KIFAP3: variants seen among roughly 807,000 people sequenced by gnomAD.
KIFAP3 encodes the protein kinesin-associated protein 3.
In KIFAP3, 68 loss-of-function variants were observed where a neutral mutation model predicts 106.5. That is an observed-to-expected ratio of 0.64 (90% CI 0.53 to 0.78). The LOEUF is 0.78. Ranked by LOEUF, KIFAP3 falls within the 30% of genes least tolerant of loss-of-function variation. The pLI, the probability that KIFAP3 is intolerant of heterozygous loss-of-function variation, is 0.00. For missense variants in KIFAP3, 780 were observed against 941.8 expected (o/e 0.83, Z 2.25); for synonymous variants, 320 against 311.5 (o/e 1.03, Z -0.29).
At chr1:169,932,861 A>G (rs767169801) in intron 19 of KIFAP3, among the ~76,000 whole-genome samples, 7 of 152,002 alleles carry the variant, frequency 4.6e-5, no homozygotes, top group Non-Finnish European at 8.8e-5. Context: ...ATCTTATCAA[A>G]TGTAAGATGC....
chr1:169,925,711 T>C (rs559664601), intron 19 of KIFAP3, among the ~76,000 whole-genome samples: 1 of 152,194 alleles, frequency 6.6e-6, no homozygotes, highest in South Asian at 2.1e-4. Flanking sequence ...GTAAAGAATC[T>C]CAGGCACTCA....
chr1:169,992,154 C>A lies in KIFAP3; in HGVS notation c.1284+1G>T. On this transcript the variant is annotated splice_donor_variant, in intron 11 of 19. Transcript: ENST00000361580. LOFTEE classifies it high-confidence loss of function. ...TTTCATAAAACACTTAAACCACTTA[C>A]CTGTGGTATACAGTCAGTGTATGCA... The A allele has an allele frequency of 1.4e-6, 2 of 1,429,614 alleles. No individual in the cohort carries two copies. The highest frequency in any genetic ancestry group is 9.4e-7 in the Non-Finnish European group (1 of 1,066,002). The allele number at this position is 1,429,614 out of a possible 1,614,324, so 88.6% of individuals were successfully genotyped here. A position where few individuals can be genotyped will look rare whatever the true frequency, so the allele number is the denominator to read the frequency against.
At chr1:169,969,337 T>C (rs1224549702) in intron 17 of KIFAP3, among the ~76,000 whole-genome samples, 1 of 152,018 alleles carries the variant, frequency 6.6e-6, no homozygotes, top group African/African-American at 2.4e-5. Flanking sequence ...GGCAAGATTA[T>C]TAATAAGACC....
upstream of KIFAP3, among the ~76,000 whole-genome samples, chr1:170,079,239 T>C (rs1385387507): frequency 6.6e-6 from 1 of 152,152 alleles, no homozygotes; most frequent in Non-Finnish European, 1.5e-5. Flanking sequence ...TCTTGCCTCC[T>C]ATCTTGCCAT....
chr1:170,054,090 A>G (rs577253781), intron 2 of KIFAP3, among the ~76,000 whole-genome samples: 11 of 152,194 alleles, frequency 7.2e-5, no homozygotes, highest in Non-Finnish European at 1.5e-4. Context: ...TTTGCAATCT[A>G]CCCATCTGAC....
chr1:169,936,968 T>TATAC, intron 19 of KIFAP3, among the ~76,000 whole-genome samples: 1 of 148,576 alleles, frequency 6.7e-6, no homozygotes, highest in East Asian at 2.0e-4. Flanking sequence ...ATATTATATA[T>TATAC]ATATATATTA....
intron 18 of KIFAP3, among the ~76,000 whole-genome samples, chr1:169,960,627 A>G (rs922527349): frequency 6.6e-6 from 1 of 152,186 alleles, no homozygotes; most frequent in African/African-American, 2.4e-5. Context: ...GTTTGAAACT[A>G]AAGCAAAACC....
chr1:170,068,355 A>G (rs183635546), intron 1 of KIFAP3: 1 of 152,252 alleles, frequency 6.6e-6, no homozygotes, highest in Non-Finnish European at 1.5e-5. Flanking sequence ...CTCAACACAT[A>G]AATAGTTTAA....
At chr1:170,054,861 T>C (rs1182659288) in intron 2 of KIFAP3, among the ~76,000 whole-genome samples, 1 of 152,048 alleles carries the variant, frequency 6.6e-6, no homozygotes, top group Non-Finnish European at 1.5e-5. Flanking sequence ...CTAATGCATG[T>C]AGGGCTTAAA....
intron 11 of KIFAP3, among the ~76,000 whole-genome samples, chr1:169,991,800 A>G (rs1049033696): frequency 1.3e-5 from 2 of 152,088 alleles, no homozygotes; most frequent in African/African-American, 2.4e-5. Context: ...GTAATAGAAT[A>G]TTATACAATT....
intron 2 of KIFAP3, among the ~76,000 whole-genome samples, chr1:170,054,583 G>T: frequency 6.6e-6 from 1 of 152,142 alleles, no homozygotes; most frequent in Non-Finnish European, 1.5e-5. Context: ...TGATAGATTG[G>T]ATAAAGAAAA....
In KIFAP3 at chr1:169,998,391, TATATATATACACAC is replaced by T. The variant is rs751536080; in HGVS notation, c.1184-6150_1184-6137del. 6.4e-3 allele frequency among the ~76,000 whole-genome samples: 842 copies of T among 132,030 alleles called. 5 individuals are homozygous for T. The highest frequency in any genetic ancestry group is 0.02 in the Admixed American group (270 of 13,564). The allele number at this position is 132,030 out of a possible 152,430, so 86.6% of individuals were successfully genotyped here. On this transcript the variant is annotated intron_variant, in intron 10 of 19. Transcript: ENST00000361580. ...ACTAGTGCTTCACCAGATATATATA[TATATATATACACAC>T]ACACACACACACACACACACACACA...
intron 5 of KIFAP3, among the ~76,000 whole-genome samples, chr1:170,035,923 T>C (rs909670967): frequency 7.2e-5 from 11 of 152,104 alleles, no homozygotes; most frequent in African/African-American, 2.6e-4. Context: ...TAACATCTGA[T>C]TTAATGTATT....
chr1:170,029,612 C>CA (rs923825815), intron 8 of KIFAP3, among the ~76,000 whole-genome samples: 1 of 151,288 alleles, frequency 6.6e-6, no homozygotes, highest in Non-Finnish European at 1.5e-5. Context: ...ACAACAACAA[C>CA]AAAAAATAAG....
intron 3 of KIFAP3, among the ~76,000 whole-genome samples, chr1:170,042,842 A>T (rs1433345349): frequency 6.6e-6 from 1 of 152,214 alleles, no homozygotes. Context: ...CTTCGAGGCT[A>T]GTGACCTGAG....
chr1:170,018,988 A>G (rs1034729171), intron 9 of KIFAP3, among the ~76,000 whole-genome samples: 4 of 152,148 alleles, frequency 2.6e-5, no homozygotes, highest in African/African-American at 7.2e-5. Context: ...ATAAACCACT[A>G]ATCTAGAAAA....
intron 2 of KIFAP3, among the ~76,000 whole-genome samples, chr1:170,049,814 C>T (rs1426320204): frequency 1.3e-5 from 2 of 151,284 alleles, no homozygotes; most frequent in Non-Finnish European, 3.0e-5. Flanking sequence ...AACACCACCC[C>T]CCCCCAAAAA....
chr1:169,989,293 A>G (rs912572753), intron 11 of KIFAP3, among the ~76,000 whole-genome samples: 3 of 151,718 alleles, frequency 2.0e-5, no homozygotes, highest in Non-Finnish European at 3.0e-5. Context: ...TCAAAATTCT[A>G]TAAGTAAGTT....
At chr1:170,078,213 GT>G (rs142989917), upstream of KIFAP3, among the ~76,000 whole-genome samples, 1,239 of 147,770 alleles carry the variant, frequency 8.4e-3, 20 homozygotes, top group African/African-American at 0.028. Flanking sequence ...TTGGTATTTT[GT>G]TTTTTTTTTA....
Sources: allele counts gnomAD v4.1 joint callset (sites outside exome capture counted in the v4.1 genomes callset), GRCh38; gene constraint gnomAD v4.1.1; transcripts MANE v1.5; gene names NCBI Gene and HGNC (gene_info 2026-07-23, HGNC 2026-07-21).